The following FLRT2 variants were observed in gnomAD, a reference collection of about 807,000 sequenced individuals.
FLRT2 encodes leucine-rich repeat transmembrane protein FLRT2.
A neutral mutation model predicts 40.0 loss-of-function variants in FLRT2; 15 were observed. The ratio of observed to expected loss-of-function variants is 0.38; its 90% CI spans 0.25 to 0.58. The LOEUF (loss-of-function observed/expected upper bound fraction) is 0.58, where lower values mean the gene tolerates loss of function less well. Ranked by LOEUF, FLRT2 falls within the 20% of genes least tolerant of loss-of-function variation. The probability of loss-of-function intolerance (pLI) is 0.71; values close to 1 mark genes in which losing one functional copy is unlikely to be tolerated. For synonymous variants in FLRT2, 380 were observed against 336.8 expected (o/e 1.13, Z -1.41); for missense variants, 726 against 840.0 (o/e 0.86, Z 1.68).
chr14:85,597,589 T>C (rs772666589), intron 1 of FLRT2, among the ~76,000 whole-genome samples: 4 of 152,178 alleles, frequency 2.6e-5, no homozygotes, highest in Non-Finnish European at 5.9e-5. Flanking sequence ...GGAGTTTTGC[T>C]CTTGTTGCCC....
rs1186178910 is a variant in FLRT2 at position 85,652,438 on chromosome 14, G to T, written c.*28941G>T. 2 of 151,992 alleles carry T rather than the reference G, an allele frequency of 1.3e-5. No homozygotes were observed. The highest frequency in any genetic ancestry group is 4.8e-5 in the African/African-American group (2 of 41,408). The allele number at this position is 151,992 out of a possible 1,614,324, so 9.4% of individuals were successfully genotyped here. On this transcript the variant is annotated 3_prime_UTR_variant, in exon 2 of 2. Coordinates refer to ENST00000330753, the MANE Select transcript of FLRT2 (RefSeq NM_013231.6). ...AATTTGCATTTTCCACCTTGAAGTT[G>T]TATTTGCCATTTTGTTTGTTGCCAT...
At chr14:85,561,638 C>T (rs1484739917) in intron 1 of FLRT2, among the ~76,000 whole-genome samples, 2 of 152,150 alleles carry the variant, frequency 1.3e-5, no homozygotes, top group African/African-American at 4.8e-5. Context: ...CATGGAAATT[C>T]TCCCTCCGTT....
chr14:85,606,985 C>T (rs1338395320), intron 1 of FLRT2, among the ~76,000 whole-genome samples: 3 of 150,296 alleles, frequency 2.0e-5, no homozygotes, highest in African/African-American at 7.4e-5. Context: ...CATTTTAATA[C>T]TACAGATCTA....
chr14:85,585,011 T>A (rs971602990), intron 1 of FLRT2, among the ~76,000 whole-genome samples: 9 of 152,110 alleles, frequency 5.9e-5, no homozygotes, highest in African/African-American at 1.9e-4. Context: ...AGGGCTTTTG[T>A]GGCATGAGGA....
chr14:85,543,660 A>G (rs1340559458), intron 1 of FLRT2, among the ~76,000 whole-genome samples: 1 of 152,122 alleles, frequency 6.6e-6, no homozygotes, highest in East Asian at 1.9e-4. Flanking sequence ...CTCAGACCTC[A>G]TTGTTCAGCA....
Position 85,641,610 on chromosome 14 carries a change from A to T in FLRT2, c.*18113A>T, listed in dbSNP as rs1296259209. 2.0e-5 allele frequency: 3 copies of T among 152,198 alleles called. No homozygotes were observed. The highest frequency in any genetic ancestry group is 4.4e-5 in the Non-Finnish European group (3 of 68,042). The allele number at this position is 152,198 out of a possible 1,614,324, so 9.4% of individuals were successfully genotyped here. A position where few individuals can be genotyped will look rare whatever the true frequency, so the allele number is the denominator to read the frequency against. On this transcript the variant is annotated 3_prime_UTR_variant, in exon 2 of 2. Coordinates refer to ENST00000330753, the MANE Select transcript of FLRT2 (RefSeq NM_013231.6). ...CCTGATTTATTCCCCTCCCCTTTCC[A>T]ATTCATTCCCTGATTTTGTGCACAC...
chr14:85,579,123 G>C (rs1016420299), intron 1 of FLRT2, among the ~76,000 whole-genome samples: 1 of 152,106 alleles, frequency 6.6e-6, no homozygotes, highest in East Asian at 1.9e-4. Context: ...AGCCCTGTTG[G>C]ACTTTTGTTT....
At chr14:85,553,615 T>G (rs1889776921) in intron 1 of FLRT2, among the ~76,000 whole-genome samples, 1 of 152,194 alleles carries the variant, frequency 6.6e-6, no homozygotes, top group Non-Finnish European at 1.5e-5. Context: ...ATTCACACTT[T>G]TATCGCCAGA....
rs1436071174 is a variant in FLRT2 at position 85,646,290 on chromosome 14, A to G, written c.*22793A>G. The G allele has an allele frequency of 6.6e-6, 1 of 152,216 alleles. No homozygotes were observed. Among genetic ancestry groups the G allele is most frequent in the Non-Finnish European group, 1.5e-5 (1 of 68,048 alleles). 9.4% of individuals were successfully genotyped at this position (152,216 alleles called of 1,614,324 possible). A position where few individuals can be genotyped will look rare whatever the true frequency, so the allele number is the denominator to read the frequency against. On this transcript the variant is annotated 3_prime_UTR_variant, in exon 2 of 2. Coordinates refer to ENST00000330753, the MANE Select transcript of FLRT2 (RefSeq NM_013231.6). Reference sequence around the variant, plus strand: ...TGAGGACACTGTCATTCAGAATAAGATGTATGATCTGAATTAGTGGCCAAT... The same window carrying G: ...TGAGGACACTGTCATTCAGAATAAGGTGTATGATCTGAATTAGTGGCCAAT...
Position 85,652,021 on chromosome 14 carries a change from C to T in FLRT2, c.*28524C>T, listed in dbSNP as rs1209673678. 1 of 151,858 alleles carries T rather than the reference C, an allele frequency of 6.6e-6. No individual in the cohort carries two copies. Among genetic ancestry groups the T allele is most frequent in the Non-Finnish European group, 1.5e-5 (1 of 67,918 alleles). The allele number at this position is 151,858 out of a possible 1,614,324, so 9.4% of individuals were successfully genotyped here. Reference sequence around the variant, plus strand: ...GTGTAAAACATGGGACTCAAAACAACACTAGGAAAATAGCGTAGATCAGAT... The same window carrying T: ...GTGTAAAACATGGGACTCAAAACAATACTAGGAAAATAGCGTAGATCAGAT... On this transcript the variant is annotated 3_prime_UTR_variant, in exon 2 of 2. Transcript: ENST00000330753.
intron 1 of FLRT2, among the ~76,000 whole-genome samples, chr14:85,532,196 C>T (rs1888327519): frequency 1.3e-5 from 2 of 152,144 alleles, no homozygotes; most frequent in African/African-American, 2.4e-5. Context: ...TGAGCGGATC[C>T]CTGGGGGGTT....
rs1023141862 is a variant in FLRT2, at chr14:85,638,834, C to T, written c.*15337C>T. 1 of 152,174 alleles carries T rather than the reference C, an allele frequency of 6.6e-6. No homozygotes were observed. Among genetic ancestry groups the T allele is most frequent in the African/African-American group, 2.4e-5 (1 of 41,446 alleles). 9.4% of individuals were successfully genotyped at this position (152,174 alleles called of 1,614,324 possible). ...GCAAACCTATTTTGATCAACCAGTA[C>T]TGAACTTTTCCCCTTCTCTTATGAT... On this transcript the variant is annotated 3_prime_UTR_variant, in exon 2 of 2. Coordinates refer to ENST00000330753, the MANE Select transcript of FLRT2 (RefSeq NM_013231.6).
At chr14:85,593,734 C>T (rs1211215937) in intron 1 of FLRT2, among the ~76,000 whole-genome samples, 1 of 152,100 alleles carries the variant, frequency 6.6e-6, no homozygotes, top group African/African-American at 2.4e-5. Context: ...ATAACTAGCT[C>T]TGAGCATTAA....
chr14:85,571,094 C>G (rs904557066), intron 1 of FLRT2, among the ~76,000 whole-genome samples: 16 of 151,988 alleles, frequency 1.1e-4, no homozygotes, highest in Admixed American at 1.0e-3. Context: ...ATTTGGGACT[C>G]GGGGCTTTTC....
Position 85,625,667 on chromosome 14 carries a change from T to G in FLRT2, c.*2170T>G, listed in dbSNP as rs1051963663. ...AAGGGAAAAGAGTCTGTGAAGGTGA[T>G]CAGTGTAGCAGTAAGACATCTAAAA... On this transcript the variant is annotated 3_prime_UTR_variant, in exon 2 of 2. Transcript: ENST00000330753. 2 of 167,218 alleles carry G rather than the reference T, an allele frequency of 1.2e-5. No individual in the cohort carries two copies. The highest frequency in any genetic ancestry group is 6.5e-5 in the Admixed American group (1 of 15,296). The allele number at this position is 167,218 out of a possible 1,614,324, so 10.4% of individuals were successfully genotyped here. A position where few individuals can be genotyped will look rare whatever the true frequency, so the allele number is the denominator to read the frequency against.
At chr14:85,597,923 C>A (rs1375681647) in intron 1 of FLRT2, among the ~76,000 whole-genome samples, 2 of 152,178 alleles carry the variant, frequency 1.3e-5, no homozygotes, top group Non-Finnish European at 2.9e-5. Context: ...TGTTGGCATG[C>A]CTTTATACCC....
At position 85,633,690 on chromosome 14, in the gene FLRT2, C is replaced by T. The variant is rs1893936950; in HGVS notation, c.*10193C>T. ...TGGCATGTGCCTATAGTCCCAGCTA[C>T]TTGGGAGGTTGAAGCAGGAGGGTCA... On this transcript the variant is annotated 3_prime_UTR_variant, in exon 2 of 2. Coordinates refer to ENST00000330753, the MANE Select transcript of FLRT2 (RefSeq NM_013231.6). 6.6e-6 allele frequency: 1 copy of T among 150,610 alleles called. No homozygotes were observed. Among genetic ancestry groups the T allele is most frequent in the Admixed American group, 6.6e-5 (1 of 15,106 alleles). The allele number at this position is 150,610 out of a possible 1,614,324, so 9.3% of individuals were successfully genotyped here.
intron 1 of FLRT2, among the ~76,000 whole-genome samples, chr14:85,576,314 A>G (rs1303871687): frequency 6.6e-6 from 1 of 151,968 alleles, no homozygotes; most frequent in Non-Finnish European, 1.5e-5. Flanking sequence ...TTCCATTACC[A>G]TGGTTATCTT....
At chr14:85,562,349 G>A (rs748854058) in intron 1 of FLRT2, among the ~76,000 whole-genome samples, 8 of 152,116 alleles carry the variant, frequency 5.3e-5, no homozygotes, top group Non-Finnish European at 1.2e-4. Flanking sequence ...ACATTGTTTT[G>A]TGTGTTTCTT....
Sources: gnomAD v4.1 joint callset for allele counts (sites outside exome capture counted in the v4.1 genomes callset) on GRCh38, gnomAD v4.1.1 for gene constraint, MANE v1.5 for transcripts, NCBI Gene and HGNC (gene_info 2026-07-23, HGNC 2026-07-21) for gene names.